The following ZNF57 variants were observed in gnomAD, a reference collection of about 807,000 sequenced individuals.
The protein encoded by ZNF57 is zinc finger protein 57, also known as zinc finger protein 424.
A neutral mutation model predicts 13.4 loss-of-function variants in ZNF57; 11 were observed. The observed-to-expected ratio is 0.82, with a 90% CI of 0.52 to 1.36. The LOEUF is 1.36. Ranked by LOEUF, ZNF57 falls within the 40% of genes most tolerant of loss-of-function variation. ZNF57 has a pLI of 0.00. For synonymous variants in ZNF57, 224 were observed against 238.5 expected (o/e 0.94, Z 0.56); for missense variants, 696 against 667.5 (o/e 1.04, Z -0.47).
chr19:2,906,483 T>C (rs1374587826), intron 1 of ZNF57, among the ~76,000 whole-genome samples: 2 of 152,198 alleles, frequency 1.3e-5, no homozygotes, highest in African/African-American at 4.8e-5. Context: ...ATCAAGTATT[T>C]TAGCAATGTT....
At chr19:2,912,374 C>A (rs1283353539) in intron 1 of ZNF57, 3 of 152,194 alleles carry the variant, frequency 2.0e-5, no homozygotes, top group South Asian at 2.1e-4. Flanking sequence ...AATCATTATT[C>A]TTCTCCTCTA....
At chr19:2,913,022 C>T (rs552795257) in intron 1 of ZNF57, among the ~76,000 whole-genome samples, 4 of 152,166 alleles carry the variant, frequency 2.6e-5, no homozygotes, top group African/African-American at 7.2e-5. Flanking sequence ...GGTGCGATCT[C>T]GGCTCACTGC....
intron 1 of ZNF57, among the ~76,000 whole-genome samples, chr19:2,911,297 G>C (rs191066835): frequency 6.6e-6 from 1 of 152,022 alleles, no homozygotes; most frequent in Non-Finnish European, 1.5e-5. Context: ...CTGGGAGGCC[G>C]AGGTGGGTGG....
chr19:2,917,040 A>C lies in ZNF57; in HGVS notation c.419A>C (p.Tyr140Ser). Residue 140 changes from tyrosine (Y) to serine (S), a missense_variant, in exon 4 of 4, where the codon TAT becomes TCT. Physicochemically the swap from Tyr to Ser is moderately radical, Grantham distance 144. This residue lies in a region of ZNF57 where 645 missense variants were observed against 591.5 expected (regional missense o/e 1.09). Coordinates refer to ENST00000306908, the MANE Select transcript of ZNF57 (RefSeq NM_173480.3). ...HKKVSAGEKP[Y>S]ECTKCRTVFT... ...AAAGTTTCTGCTGGAGAAAAACCATATGAATGCACCAAGTGCAGGACAGTC... is the reference window on the plus strand; with the variant it reads ...AAAGTTTCTGCTGGAGAAAAACCATCTGAATGCACCAAGTGCAGGACAGTC... 6.2e-7 allele frequency: 1 copy of C among 1,614,194 alleles called. No individual in the cohort carries two copies. Among genetic ancestry groups the C allele is most frequent in the Non-Finnish European group, 8.5e-7 (1 of 1,180,044 alleles).
rs2088123058 is a variant in ZNF57, at chr19:2,910,598, C to T, written c.4-4924C>T. Among the ~76,000 whole-genome samples, 2 of 110,026 alleles carry T rather than the reference C, an allele frequency of 1.8e-5. 1 individual carries two copies. Among genetic ancestry groups the T allele is most frequent in the Non-Finnish European group, 3.9e-5 (2 of 50,788 alleles). 72.2% of individuals were successfully genotyped at this position (110,026 alleles called of 152,430 possible). ...GCCTCAGCCTCCCCAGCAGCTGGGA[C>T]TACAGGTACTCCCCGCCATGCCCAG... On this transcript the variant is annotated intron_variant, in intron 1 of 3. Transcript: ENST00000306908.
In ZNF57 at chr19:2,917,775, T is replaced by A; in HGVS notation, c.1154T>A (p.Ile385Asn). 1 of 1,605,772 alleles carries A rather than the reference T, an allele frequency of 6.2e-7. No individual in the cohort carries two copies. The highest frequency in any genetic ancestry group is 8.5e-7 in the Non-Finnish European group (1 of 1,176,164). ...WSSTFREHVR[I>N]HTQEQLYKCE... Reference sequence around the variant, plus strand: ...TCAACGTTTAGAGAACATGTGAGAATTCACACGCAAGAGCAGCTCTATAAA... The same window carrying A: ...TCAACGTTTAGAGAACATGTGAGAAATCACACGCAAGAGCAGCTCTATAAA... The change falls in exon 4 of 4, where the codon ATT (isoleucine) becomes AAT (asparagine). Residue 385 changes from isoleucine (I) to asparagine (N), a missense_variant. Ile to Asn is a moderately radical substitution (Grantham distance 149, BLOSUM62 -3). This residue lies in a region of ZNF57 where 645 missense variants were observed against 591.5 expected (regional missense o/e 1.09). Transcript: ENST00000306908.
At chr19:2,901,076 G>T in intron 1 of ZNF57, 28 bp downstream of exon 1, 1 of 1,550,080 alleles carries the variant, frequency 6.5e-7, no homozygotes. Flanking sequence ...GCAGAGCCAG[G>T]GGACGGTCGG....
Position 2,900,946 on chromosome 19 carries a change from C to A in ZNF57, c.-100C>A. 1 of 1,483,734 alleles carries A rather than the reference C, an allele frequency of 6.7e-7. No individual in the cohort carries two copies. The highest frequency in any genetic ancestry group is 9.1e-7 in the Non-Finnish European group (1 of 1,096,640). The allele number at this position is 1,483,734 out of a possible 1,614,324, so 91.9% of individuals were successfully genotyped here. On this transcript the variant is annotated 5_prime_UTR_variant, in exon 1 of 4. In the 5' UTR this introduces an upstream ATG that the reference lacks. Transcript: ENST00000306908. ...TTTCGTCCTCCCTGCCGCGCGTGCC[C>A]TGCCTACCACGAGCGGCCCGGGAGT...
At chr19:2,901,081 G>A (rs2088024739) in intron 1 of ZNF57, 33 bp downstream of exon 1, 5 of 1,543,042 alleles carry the variant, frequency 3.2e-6, no homozygotes, top group Non-Finnish European at 3.5e-6. Flanking sequence ...GCCAGGGGAC[G>A]GTCGGAGCGA....
In ZNF57 at chr19:2,915,736, G is replaced by A. The variant is rs751605792; in HGVS notation, c.130+88G>A. The A allele has an allele frequency of 1.0e-5, 16 of 1,593,974 alleles. No homozygotes were observed. In the East Asian group the frequency reaches 3.1e-4, roughly 31 times the overall value. On this transcript the variant is annotated intron_variant, in intron 2 of 3. Coordinates refer to ENST00000306908, the MANE Select transcript of ZNF57 (RefSeq NM_173480.3). Reference sequence around the variant, plus strand: ...GTTGCAAGATGTGAAATGTGGGAAAGGACTAAGACAGACATGTTCACAGCC... The same window carrying A: ...GTTGCAAGATGTGAAATGTGGGAAAAGACTAAGACAGACATGTTCACAGCC...
rs753246639 is a variant in ZNF57 at position 2,916,080 on chromosome 19, G to C, written c.133G>C (p.Asp45His). Residue 45 changes from aspartate (D) to histidine (H), a missense_variant and splice_region_variant, in exon 3 of 4, where the codon GAT (aspartate) becomes CAT (histidine). This residue lies in a region of ZNF57 where 43 missense variants were observed against 53.5 expected (regional missense o/e 0.80). Coordinates refer to ENST00000306908, the MANE Select transcript of ZNF57 (RefSeq NM_173480.3). ...ETFRNLASVD[D>H]GTQFKANGSV... is the part of the protein sequence containing the mutation. ...ATTTGTTTACTTTTTTGTTGCAGAT[G>C]ATGGGACTCAATTTAAAGCCAATGG... 1.9e-6 allele frequency: 3 copies of C among 1,607,774 alleles called. No homozygotes were observed. Among genetic ancestry groups the C allele is most frequent in the East Asian group, 2.2e-5 (1 of 44,814 alleles).
chr19:2,915,461 C>T, intron 1 of ZNF57, 61 bp from the exon 2 acceptor site: 1 of 1,579,526 alleles, frequency 6.3e-7, no homozygotes, highest in Non-Finnish European at 8.6e-7. Context: ...TGAATTGAGT[C>T]CAGTTCCCCA....
At position 2,909,572 on chromosome 19, in the gene ZNF57, G is replaced by A. The variant is rs533466220; in HGVS notation, c.4-5950G>A. Among the ~76,000 whole-genome samples, 27 of 37,464 alleles carry A rather than the reference G, an allele frequency of 7.2e-4. 11 individuals are homozygous for A. Among genetic ancestry groups the A allele is most frequent in the Non-Finnish European group, 2.4e-3 (27 of 11,288 alleles). 24.6% of individuals were successfully genotyped at this position (37,464 alleles called of 152,430 possible). On this transcript the variant is annotated intron_variant, in intron 1 of 3. Coordinates refer to ENST00000306908, the MANE Select transcript of ZNF57 (RefSeq NM_173480.3). ...CAGGCATGAGCCTCTGTGCCTGGCC[G>A]GTATCTTGTTTTAATTTGCATTTCC...
Position 2,917,854 on chromosome 19 carries a change from G to A in ZNF57, c.1233G>A (p.Leu411=). 1.2e-6 allele frequency: 2 copies of A among 1,611,970 alleles called. No individual in the cohort carries two copies. The highest frequency in any genetic ancestry group is 1.7e-6 in the Non-Finnish European group (2 of 1,179,204). The change falls in exon 4 of 4, where the codon TTG becomes TTA. Residue 411 remains leucine, a synonymous_variant. Coordinates refer to ENST00000306908, the MANE Select transcript of ZNF57 (RefSeq NM_173480.3). The part of the protein sequence containing the change: ...FTSSRSFRGH[L]RTHTGEKPYE... Reference sequence around the variant, plus strand: ...CTTCCAGATCATTCCGAGGTCATTTGAGGACGCACACTGGAGAGAAGCCTT... The same window carrying A: ...CTTCCAGATCATTCCGAGGTCATTTAAGGACGCACACTGGAGAGAAGCCTT...
intron 1 of ZNF57, among the ~76,000 whole-genome samples, chr19:2,905,231 C>G (rs1293529181): frequency 6.6e-6 from 1 of 151,862 alleles, no homozygotes; most frequent in Non-Finnish European, 1.5e-5. Context: ...GTGGCACAAT[C>G]TTGGCTCACT....
intron 1 of ZNF57, 129 bp downstream of exon 1, chr19:2,901,177 G>A: frequency 7.9e-7 from 1 of 1,264,694 alleles, no homozygotes; most frequent in Non-Finnish European, 1.1e-6. Context: ...ACTAGCACCT[G>A]GGACCCGGGG....
chr19:2,915,368 G>T, intron 1 of ZNF57, 154 bp from the exon 2 acceptor site: 1 of 983,298 alleles, frequency 1.0e-6, no homozygotes, highest in Non-Finnish European at 1.5e-6. Flanking sequence ...AGTTTACTAG[G>T]AAGTGATTGT....
At chr19:2,911,048 T>C (rs533527369) in intron 1 of ZNF57, among the ~76,000 whole-genome samples, 1 of 150,632 alleles carries the variant, frequency 6.6e-6, no homozygotes, top group African/African-American at 2.4e-5. Context: ...TTCCTTTTTT[T>C]AGTGATAGCC....
Position 2,917,515 on chromosome 19 carries a change from T to C in ZNF57, c.894T>C (p.His298=). 3 of 1,613,558 alleles carry C rather than the reference T, an allele frequency of 1.9e-6. No homozygotes were observed. Among genetic ancestry groups the C allele is most frequent in the East Asian group, 2.2e-5 (1 of 44,858 alleles). The change falls in exon 4 of 4, where the codon CAT becomes CAC. Residue 298 remains histidine, a synonymous_variant. Coordinates refer to ENST00000306908, the MANE Select transcript of ZNF57 (RefSeq NM_173480.3). ...CTTACCCCCAGGCTTTTCAAAGACA[T>C]GAGAAGACGCACACGGGAGAGAAGC... ...AFTYPQAFQR[H]EKTHTGEKPY... is the part of the protein sequence containing the mutation.
Sources: gnomAD v4.1 joint callset for allele counts (sites outside exome capture counted in the v4.1 genomes callset) on GRCh38, gnomAD v4.1.1 for gene constraint, gnomAD v4.1.1 regional missense constraint, MANE v1.5 for transcripts, NCBI Gene and HGNC (gene_info 2026-07-23, HGNC 2026-07-21) for gene names.